The following PFKP variants were observed in gnomAD, a reference collection of about 807,000 sequenced individuals.
PFKP encodes phosphofructokinase, platelet, also known as ATP-dependent 6-phosphofructokinase, platelet type.
Under a neutral mutation model 94.3 loss-of-function variants are expected in PFKP, and 101 were observed. The observed-to-expected ratio is 1.07, with a 90% confidence interval of 0.91 to 1.26. The LOEUF (loss-of-function observed/expected upper bound fraction) is 1.26, where lower values mean the gene tolerates loss of function less well. Ranked by LOEUF, PFKP falls within the 50% of genes most tolerant of loss-of-function variation. The pLI is 0.00. For missense variants in PFKP, 1,145 were observed against 1,103.3 expected (o/e 1.04, Z -0.53); for synonymous variants, 573 against 432.6 (o/e 1.32, Z -4.03).
intron 13 of PFKP, among the ~76,000 whole-genome samples, chr10:3,114,055 G>C (rs376936283): frequency 6.6e-6 from 1 of 152,242 alleles, no homozygotes; most frequent in Non-Finnish European, 1.5e-5. Context: ...CTGGGTGCAC[G>C]AGGGAGGACT....
chr10:3,074,101 A>G (rs979098563), intron 1 of PFKP, among the ~76,000 whole-genome samples: 1 of 152,082 alleles, frequency 6.6e-6, no homozygotes, highest in African/African-American at 2.4e-5. Context: ...TGGCCTCCCA[A>G]AGTGCTGGTA....
At chr10:3,127,747 T>C (rs1838116830) in intron 16 of PFKP, among the ~76,000 whole-genome samples, 1 of 152,198 alleles carries the variant, frequency 6.6e-6, no homozygotes. Context: ...TCCCATTGCC[T>C]GTTTCTCTCC....
At chr10:3,118,743 T>G (rs1837087940) in intron 14 of PFKP, 39 bp from the exon 15 acceptor site, 1 of 1,485,082 alleles carries the variant, frequency 6.7e-7, no homozygotes, top group Non-Finnish European at 9.4e-7. Flanking sequence ...GCGTGGAGTT[T>G]GGGGTGTCTG....
At chr10:3,090,705 A>C (rs1290844915) in intron 2 of PFKP, among the ~76,000 whole-genome samples, 1 of 152,080 alleles carries the variant, frequency 6.6e-6, no homozygotes, top group Non-Finnish European at 1.5e-5. Flanking sequence ...CCTACCCCAT[A>C]GTCATGACAG....
rs1199869643 is a variant in PFKP, at chr10:3,096,901, A to G, written c.187-2374A>G. 1.6e-5 allele frequency among the ~76,000 whole-genome samples: 2 copies of G among 121,602 alleles called. 1 individual carries two copies. The highest frequency in any genetic ancestry group is 6.4e-5 in the African/African-American group (2 of 31,316). The allele number at this position is 121,602 out of a possible 152,430, so 79.8% of individuals were successfully genotyped here. A position where few individuals can be genotyped will look rare whatever the true frequency, so the allele number is the denominator to read the frequency against. The stretch of plus-strand genomic sequence containing the variant: ...AGACCATCCTGGCTAACACGGTGAA[A>G]CCCCGTCTCTACTAAAAATACAAAA... On this transcript the variant is annotated intron_variant, in intron 2 of 21. Transcript: ENST00000381125.
chr10:3,116,188 T>C (rs1386587864), intron 13 of PFKP, among the ~76,000 whole-genome samples: 4 of 152,132 alleles, frequency 2.6e-5, no homozygotes, highest in Non-Finnish European at 4.4e-5. Context: ...TGATGTAGAA[T>C]GATCTTTTTT....
intron 1 of PFKP, among the ~76,000 whole-genome samples, chr10:3,082,074 A>G (rs1833128846): frequency 6.8e-6 from 1 of 146,428 alleles, no homozygotes. Context: ...CACACACAGA[A>G]TTTGGCTAGC....
chr10:3,072,057 C>G (rs1479185560), intron 1 of PFKP, among the ~76,000 whole-genome samples: 1 of 152,204 alleles, frequency 6.6e-6, no homozygotes, highest in African/African-American at 2.4e-5. Context: ...TGGCGCTTCG[C>G]AGGAATGCAA....
intron 14 of PFKP, among the ~76,000 whole-genome samples, chr10:3,118,274 C>T (rs916550242): frequency 2.0e-5 from 3 of 152,140 alleles, no homozygotes; most frequent in African/African-American, 7.2e-5. Flanking sequence ...GGAGACCATC[C>T]TGGCCAACAT....
chr10:3,102,955 G>C (rs57796438), intron 4 of PFKP, among the ~76,000 whole-genome samples: 2 of 152,180 alleles, frequency 1.3e-5, no homozygotes, highest in Non-Finnish European at 2.9e-5. Flanking sequence ...CCACAAGTCC[G>C]GGCCCAAGCT....
At chr10:3,117,798 G>A (rs756894572) in intron 14 of PFKP, among the ~76,000 whole-genome samples, 17 of 152,336 alleles carry the variant, frequency 1.1e-4, no homozygotes, top group South Asian at 8.3e-4. Context: ...GCTCTCGAAC[G>A]TAGAGAGGAC....
rs777215738 is a variant in PFKP, at chr10:3,112,239, G to A, written c.1107G>A (p.Lys369=). Residue 369 remains lysine, a synonymous_variant, in exon 11 of 22, where the codon AAG becomes AAA. Transcript: ENST00000381125. ...TTTAAAAGACTCAGGATGTGCAGAA[G>A]GCGATGGACGAGAGGAGATTTCAAG... ...ECVQMTQDVQ[K]AMDERRFQDA... The A allele has an allele frequency of 4.3e-6, 7 of 1,613,814 alleles. No individual in the cohort carries two copies. The highest frequency in any genetic ancestry group is 1.1e-5 in the South Asian group (1 of 91,078).
chr10:3,097,389 G>A (rs999748338), intron 2 of PFKP, among the ~76,000 whole-genome samples: 41 of 152,096 alleles, frequency 2.7e-4, no homozygotes, highest in African/African-American at 6.0e-4. Flanking sequence ...CTCGCCCTCC[G>A]GGGGACGGCT....
chr10:3,075,607 C>G (rs1041720249), intron 1 of PFKP, among the ~76,000 whole-genome samples: 7 of 144,348 alleles, frequency 4.8e-5, no homozygotes, highest in African/African-American at 1.3e-4. Context: ...GGCAGGGGGC[C>G]GGGAGTGGGG....
At chr10:3,135,653 G>C in intron 20 of PFKP, 83 bp from the exon 21 acceptor site, 2 of 832,884 alleles carry the variant, frequency 2.4e-6, no homozygotes, top group South Asian at 3.1e-5. Flanking sequence ...AGGAATCTCA[G>C]TTCTCATCTC....
At chr10:3,128,048 A>AGTC (rs1175320531) in intron 16 of PFKP, among the ~76,000 whole-genome samples, 1 of 152,184 alleles carries the variant, frequency 6.6e-6, no homozygotes, top group Non-Finnish European at 1.5e-5. Flanking sequence ...CTCTTGGCTG[A>AGTC]GTCCCATGGA....
chr10:3,126,958 A>G (rs1838019145), intron 16 of PFKP, among the ~76,000 whole-genome samples: 2 of 152,222 alleles, frequency 1.3e-5, no homozygotes, highest in South Asian at 4.1e-4. Context: ...GCTGCTGTCC[A>G]CGTGCCAGCC....
At chr10:3,127,695 G>C (rs1248885068) in intron 16 of PFKP, among the ~76,000 whole-genome samples, 4 of 152,116 alleles carry the variant, frequency 2.6e-5, no homozygotes, top group Non-Finnish European at 5.9e-5. Context: ...CCCTTGACGG[G>C]GATCTGTCCT....
chr10:3,087,798 T>C (rs988436754), intron 2 of PFKP, among the ~76,000 whole-genome samples: 98 of 152,200 alleles, frequency 6.4e-4, no homozygotes, highest in African/African-American at 2.2e-3. Context: ...TTTCTTCACC[T>C]TCCTCCAGTG....
Sources: allele counts gnomAD v4.1 joint callset (sites outside exome capture counted in the v4.1 genomes callset), GRCh38; gene constraint gnomAD v4.1.1; transcripts MANE v1.5; gene names NCBI Gene and HGNC (gene_info 2026-07-23, HGNC 2026-07-21).